DOK6: variants seen among roughly 807,000 people sequenced by gnomAD.
DOK6 encodes the protein docking protein 6.
DOK6 carries 22 observed loss-of-function variants against 44.0 expected under a neutral mutation model. That is an observed-to-expected ratio of 0.50 (90% CI 0.36 to 0.71). DOK6 has a LOEUF of 0.71. Among genes scored for constraint, DOK6 ranks in the 30% least tolerant of loss-of-function variants. The pLI is 0.00. For synonymous variants in DOK6, 166 were observed against 145.5 expected (o/e 1.14, Z -1.01); for missense variants, 340 against 416.4 (o/e 0.82, Z 1.60).
At chr18:69,433,156 T>G (rs1017137742) in intron 1 of DOK6, among the ~76,000 whole-genome samples, 6 of 152,266 alleles carry the variant, frequency 3.9e-5, no homozygotes, top group African/African-American at 1.4e-4. Flanking sequence ...GAATCTAGTT[T>G]AAGTCTATAT....
At chr18:69,441,049 AAATT>A (rs1979123734) in intron 1 of DOK6, among the ~76,000 whole-genome samples, 1 of 152,128 alleles carries the variant, frequency 6.6e-6, no homozygotes, top group Non-Finnish European at 1.5e-5. Flanking sequence ...TAAACTTTTC[AAATT>A]AATTCTCTAT....
In DOK6 at chr18:69,767,446, G is replaced by T. The variant is rs181695836; in HGVS notation, c.856+9573G>T. Among the ~76,000 whole-genome samples, 450 of 152,110 alleles carry T rather than the reference G, an allele frequency of 3.0e-3. 2 individuals carry two copies. Among genetic ancestry groups the T allele is most frequent in the African/African-American group, 7.5e-3 (312 of 41,498 alleles). Reference sequence around the variant, plus strand: ...AACCACCTCTCCCATGCCTTATATTGCTCAGTCCAGGTAGCCTAAGGCAAA... The same window carrying T: ...AACCACCTCTCCCATGCCTTATATTTCTCAGTCCAGGTAGCCTAAGGCAAA... On this transcript the variant is annotated intron_variant, in intron 7 of 7. Coordinates refer to ENST00000382713, the MANE Select transcript of DOK6 (RefSeq NM_152721.6).
chr18:69,540,762 T>G lies in DOK6; in HGVS notation c.67-23725T>G, dbSNP rs570709892. On this transcript the variant is annotated intron_variant, in intron 1 of 7. Coordinates refer to ENST00000382713, the MANE Select transcript of DOK6 (RefSeq NM_152721.6). ...TTAGTGAAATTAATTACCTTATGCT[T>G]TGTTATAGATTCAAGTTGATTCTAT... Among the ~76,000 whole-genome samples, 60 of 152,316 alleles carry G rather than the reference T, an allele frequency of 3.9e-4. 1 individual carries two copies. The South Asian group carries it at 0.012, about 31-fold the overall frequency.
intron 1 of DOK6, among the ~76,000 whole-genome samples, chr18:69,444,491 C>T (rs1407082563): frequency 6.6e-6 from 1 of 152,120 alleles, no homozygotes; most frequent in Non-Finnish European, 1.5e-5. Context: ...TGTAAATGTT[C>T]CTCTGAGGTT....
chr18:69,698,660 TGAAA>T, intron 5 of DOK6, 67 bp downstream of exon 5: 1 of 1,475,272 alleles, frequency 6.8e-7, no homozygotes, highest in Non-Finnish European at 9.1e-7. Context: ...AACAGAGTCC[TGAAA>T]GAGAGTGCTG....
intron 7 of DOK6, among the ~76,000 whole-genome samples, chr18:69,836,641 A>T (rs766292090): frequency 5.9e-5 from 9 of 152,214 alleles, no homozygotes; most frequent in Non-Finnish European, 1.0e-4. Context: ...TTGCTTTTAA[A>T]TTGTAGCATC....
At chr18:69,682,716 A>C (rs1462000973) in intron 4 of DOK6, among the ~76,000 whole-genome samples, 1 of 152,210 alleles carries the variant, frequency 6.6e-6, no homozygotes, top group East Asian at 1.9e-4. Flanking sequence ...TACGGAAAGG[A>C]AGTGAAAAGC....
intron 5 of DOK6, among the ~76,000 whole-genome samples, chr18:69,712,772 G>A (rs1010368941): frequency 5.9e-5 from 9 of 151,978 alleles, no homozygotes; most frequent in African/African-American, 9.7e-5. Flanking sequence ...TCTTGAAGCC[G>A]GGAGGCTGAG....
At chr18:69,501,731 C>T (rs186577478) in intron 1 of DOK6, among the ~76,000 whole-genome samples, 2 of 151,752 alleles carry the variant, frequency 1.3e-5, no homozygotes, top group African/African-American at 4.9e-5. Flanking sequence ...AAATGAAACA[C>T]TTATGTCAGT....
chr18:69,831,661 C>T (rs2145132947), intron 7 of DOK6, among the ~76,000 whole-genome samples: 1 of 152,222 alleles, frequency 6.6e-6, no homozygotes, highest in South Asian at 2.1e-4. Context: ...AGCCTGGACA[C>T]CCCCAACAAA....
At chr18:69,416,402 C>T (rs989118159) in intron 1 of DOK6, among the ~76,000 whole-genome samples, 3 of 152,224 alleles carry the variant, frequency 2.0e-5, no homozygotes, top group Admixed American at 2.0e-4. Flanking sequence ...TATATGAATA[C>T]ACAAGTATGA....
intron 5 of DOK6, among the ~76,000 whole-genome samples, chr18:69,727,351 G>A (rs1010753369): frequency 6.6e-6 from 1 of 151,932 alleles, no homozygotes. Flanking sequence ...AGTCATTGGA[G>A]CCTGTTCTAG....
chr18:69,564,777 C>G (rs1458042067), intron 2 of DOK6, among the ~76,000 whole-genome samples, 183 bp downstream of exon 2: 1 of 152,074 alleles, frequency 6.6e-6, no homozygotes, highest in Non-Finnish European at 1.5e-5. Context: ...CCAGTGCTAC[C>G]TCTGTGCAAA....
intron 1 of DOK6, among the ~76,000 whole-genome samples, chr18:69,471,371 T>A (rs1418423427): frequency 6.9e-6 from 1 of 144,684 alleles, no homozygotes; most frequent in Non-Finnish European, 1.5e-5. Flanking sequence ...CTTTCGGAGG[T>A]TAGGGAAACA....
chr18:69,677,611 T>A, intron 3 of DOK6, 123 bp from the exon 4 acceptor site: 11 of 1,509,890 alleles, frequency 7.3e-6, no homozygotes, highest in Non-Finnish European at 9.9e-6. Context: ...CAGTTTTTTG[T>A]TGTTTTTTTA....
intron 1 of DOK6, among the ~76,000 whole-genome samples, chr18:69,446,429 G>A (rs1979294085): frequency 6.6e-6 from 1 of 151,910 alleles, no homozygotes; most frequent in South Asian, 2.1e-4. Context: ...GTGTATATGT[G>A]CCACATTTTC....
intron 2 of DOK6, among the ~76,000 whole-genome samples, chr18:69,578,061 G>A (rs910613672): frequency 1.4e-4 from 21 of 150,484 alleles, no homozygotes; most frequent in Admixed American, 4.0e-4. Flanking sequence ...ATCCCAGAAC[G>A]TAAAGTAAAA....
chr18:69,809,565 GACACACACAC>G (rs57753226), intron 7 of DOK6, among the ~76,000 whole-genome samples: 9 of 146,222 alleles, frequency 6.2e-5, no homozygotes, highest in Admixed American at 4.1e-4. Flanking sequence ...CACACACACA[GACACACACAC>G]ACACACACAC....
At chr18:69,692,810 C>G (rs1416142229) in intron 4 of DOK6, among the ~76,000 whole-genome samples, 1 of 152,168 alleles carries the variant, frequency 6.6e-6, no homozygotes, top group East Asian at 1.9e-4. Flanking sequence ...ATACTTACAG[C>G]TATTTTAAAT....
Sources: gnomAD v4.1 joint callset for allele counts (sites outside exome capture counted in the v4.1 genomes callset) on GRCh38, gnomAD v4.1.1 for gene constraint, MANE v1.5 for transcripts, NCBI Gene and HGNC (gene_info 2026-07-23, HGNC 2026-07-21) for gene names.